Variants in FAHD1 observed in about 807,000 individuals in gnomAD.
FAHD1 encodes oxaloacetate tautomerase FAHD1, mitochondrial.
Under a neutral mutation model 12.7 loss-of-function variants are expected in FAHD1, and 14 were observed. That is an observed-to-expected ratio of 1.10 (90% confidence interval 0.73 to 1.72). FAHD1 has a LOEUF of 1.72. Among genes scored for constraint, FAHD1 ranks in the 40% most tolerant of loss-of-function variants. FAHD1 has a pLI of 0.00. For missense variants in FAHD1, 351 were observed against 298.9 expected, an observed-to-expected ratio of 1.17 and a Z score of -1.29; for synonymous variants, 153 against 124.9, an observed-to-expected ratio of 1.22 and a Z score of -1.50.
At chr16:1,828,227 G>A in exon 1 of FAHD1, 1 of 933,548 alleles carries the variant, frequency 1.1e-6, no homozygotes, top group Non-Finnish European at 1.3e-6. Flanking sequence ...CTTACAGTGA[G>A]CTGAGATTGC....
exon 1 of FAHD1, chr16:1,827,629 T>G: frequency 1.2e-6 from 2 of 1,613,954 alleles, no homozygotes; most frequent in Non-Finnish European, 1.7e-6. Context: ...GGTCAGCGCG[T>G]TCGTGCCCAA....
downstream of FAHD1, among the ~76,000 whole-genome samples, chr16:1,829,779 T>C (rs35813105): frequency 0.18 from 27,018 of 152,150 alleles, 2,553 homozygotes; most frequent in South Asian, 0.27. Context: ...TAAGCATTTA[T>C]TGCAAGTTCT....
chr16:1,828,667 G>A (rs1212352729), exon 1 of FAHD1: 3 of 937,664 alleles, frequency 3.2e-6, no homozygotes, highest in Non-Finnish European at 3.9e-6. Context: ...CGGACTTGCT[G>A]AATCAATTTG....
exon 2 of FAHD1, chr16:1,838,042 G>A (rs1263209433): frequency 7.8e-7 from 1 of 1,289,572 alleles, no homozygotes; most frequent in African/African-American, 1.5e-5. Context: ...TGTCGCCCAA[G>A]CTGGAGTGCA....
chr16:1,828,167 G>C, exon 1 of FAHD1: 1 of 859,492 alleles, frequency 1.2e-6, no homozygotes, highest in Non-Finnish European at 1.6e-6. Flanking sequence ...TGTAGTCCCA[G>C]CTACTCTGGA....
At chr16:1,832,337 A>AT (rs1476011198), downstream of FAHD1, among the ~76,000 whole-genome samples, 1 of 149,964 alleles carries the variant, frequency 6.7e-6, no homozygotes, top group East Asian at 2.0e-4. Flanking sequence ...CACCCGGCTA[A>AT]TTTTTTTGTA....
exon 1 of FAHD1, chr16:1,827,430 C>A: frequency 6.2e-7 from 1 of 1,610,402 alleles, no homozygotes; most frequent in South Asian, 1.1e-5. Context: ...ACACTCGCAA[C>A]CTGCACCACG....
At chr16:1,827,953 G>A (rs1186738572) in exon 1 of FAHD1, 3 of 1,578,870 alleles carry the variant, frequency 1.9e-6, no homozygotes, top group Non-Finnish European at 2.6e-6. Flanking sequence ...ACAAGAGCAA[G>A]CAACGGCTAT....
At chr16:1,838,089 C>A in exon 2 of FAHD1, 1 of 775,346 alleles carries the variant, frequency 1.3e-6, no homozygotes, top group Non-Finnish European at 2.0e-6. Flanking sequence ...CTCGAACTCC[C>A]GGGGTCAAGC....
At position 1,827,795 on chromosome 16, in the gene FAHD1, T is replaced by G. The variant is rs769658361; in HGVS notation, c.557T>G (p.Leu186Trp). The change falls in exon 1 of 1, where the codon TTG becomes TGG. Residue 186 changes from leucine (L) to tryptophan (W), a missense_variant. Leu to Trp is a moderately conservative substitution (Grantham distance 61). Transcript: ENST00000427358. Reference sequence around the variant, plus strand: ...ACCTTGGAAGAAGGAGATATTATCTTGACTGGGACGCCAAAGGGAGTTGGA... The same window carrying G: ...ACCTTGGAAGAAGGAGATATTATCTGGACTGGGACGCCAAAGGGAGTTGGA... 10 of 1,613,988 alleles carry G rather than the reference T, an allele frequency of 6.2e-6. No homozygotes were observed. The East Asian group carries it at 2.0e-4, about 32-fold the overall frequency.
At chr16:1,827,825 T>C in exon 1 of FAHD1, 1 of 1,614,056 alleles carries the variant, frequency 6.2e-7, no homozygotes, top group South Asian at 1.1e-5. Context: ...GTTGGACCGG[T>C]TAAAGAAAAC....
rs559220213 is a variant in FAHD1, at chr16:1,839,116, A to G, written c.*9-146A>G. Reference sequence around the variant, plus strand: ...TTGTTCATCAAAGCAATGTGTGTTTAAAGCAAGATGATTTTTTCCCAGGCT... The same window carrying G: ...TTGTTCATCAAAGCAATGTGTGTTTGAAGCAAGATGATTTTTTCCCAGGCT... On this transcript the variant is annotated intron_variant, in intron 2 of 2. Coordinates refer to the FAHD1 transcript ENST00000382666. 37 of 995,270 alleles carry G rather than the reference A, an allele frequency of 3.7e-5. No homozygotes were observed. In the East Asian group the frequency reaches 7.9e-4, roughly 21 times the overall value. The allele number at this position is 995,270 out of a possible 1,614,324, so 61.7% of individuals were successfully genotyped here.
intron 1 of FAHD1, chr16:1,833,944 C>T: frequency 5.0e-6 from 1 of 200,354 alleles, no homozygotes; most frequent in Non-Finnish European, 1.0e-5. Flanking sequence ...TCACTCAAAG[C>T]CGTTCAACTA....
At chr16:1,831,073 C>G (rs1898614047), downstream of FAHD1, among the ~76,000 whole-genome samples, 1 of 152,144 alleles carries the variant, frequency 6.6e-6, no homozygotes, top group Admixed American at 6.5e-5. Context: ...GAAAATAATT[C>G]CACAGTGTAT....
chr16:1,830,149 C>T (rs974196026), downstream of FAHD1, among the ~76,000 whole-genome samples: 3 of 152,250 alleles, frequency 2.0e-5, no homozygotes, highest in Non-Finnish European at 2.9e-5. Context: ...AGGCATGAGC[C>T]ACCGTGCCCA....
intron 1 of FAHD1, among the ~76,000 whole-genome samples, chr16:1,835,855 C>T (rs1018825226): frequency 1.4e-5 from 2 of 138,400 alleles, no homozygotes; most frequent in African/African-American, 5.5e-5. Flanking sequence ...TCTTCCAATT[C>T]CTTTTTCTTT....
chr16:1,828,976 G>A (rs11643316), downstream of FAHD1: 152,970 of 956,760 alleles, frequency 0.16, 12,763 homozygotes, highest in South Asian at 0.27. Flanking sequence ...TCCTTGTGGG[G>A]CTTCAGACCT....
intron 2 of FAHD1, among the ~76,000 whole-genome samples, chr16:1,838,476 T>TA (rs1407171215): frequency 6.6e-6 from 1 of 152,200 alleles, no homozygotes; most frequent in Non-Finnish European, 1.5e-5. Flanking sequence ...AACAGGTGCC[T>TA]ATTGCCAAAT....
At chr16:1,836,126 T>G (rs148137006) in intron 1 of FAHD1, among the ~76,000 whole-genome samples, 1 of 152,210 alleles carries the variant, frequency 6.6e-6, no homozygotes, top group Non-Finnish European at 1.5e-5. Flanking sequence ...ATCTTACTGG[T>G]CCCCTCATTA....
Sources: gnomAD v4.1 joint callset for allele counts (sites outside exome capture counted in the v4.1 genomes callset) on GRCh38, gnomAD v4.1.1 for gene constraint, MANE v1.5 for transcripts, NCBI Gene and HGNC (gene_info 2026-07-23, HGNC 2026-07-21) for gene names.